The following NFYC variants were observed in gnomAD, a reference collection of about 807,000 sequenced individuals.
The protein encoded by NFYC is CAAT box DNA-binding protein subunit C.
NFYC carries 25 observed loss-of-function variants against 53.1 expected under a neutral mutation model. The ratio of observed to expected loss-of-function variants is 0.47; its 90% confidence interval spans 0.34 to 0.66. The LOEUF (loss-of-function observed/expected upper bound fraction) is 0.66. Ranked by LOEUF, NFYC falls within the 30% of genes least tolerant of loss-of-function variation. The pLI, the probability that NFYC is intolerant of heterozygous loss-of-function variation, is 0.01. For synonymous variants in NFYC, 145 were observed against 152.6 expected (o/e 0.95, Z 0.37); for missense variants, 260 against 422.7 (o/e 0.62, Z 3.38).
chr1:40,728,669 G>T (rs896969157), intron 1 of NFYC, among the ~76,000 whole-genome samples: 1 of 151,928 alleles, frequency 6.6e-6, no homozygotes, highest in South Asian at 2.1e-4. Context: ...ACGGAGTCTC[G>T]CTGTGCTACC....
chr1:40,768,276 T>G (rs1351722573), intron 8 of NFYC, among the ~76,000 whole-genome samples: 1 of 152,266 alleles, frequency 6.6e-6, no homozygotes, highest in Non-Finnish European at 1.5e-5. Flanking sequence ...TCCATTTGTC[T>G]CAGGCTCACT....
chr1:40,715,150 T>C (rs1644085611), intron 1 of NFYC, among the ~76,000 whole-genome samples: 1 of 151,354 alleles, frequency 6.6e-6, no homozygotes, highest in Non-Finnish European at 1.5e-5. Context: ...ATGCCTGTAA[T>C]CCCAGCACTT....
intron 5 of NFYC, 55 bp downstream of exon 5, chr1:40,753,301 G>C: frequency 8.4e-7 from 1 of 1,188,394 alleles, no homozygotes; most frequent in Non-Finnish European, 1.3e-6. Flanking sequence ...TTGTATACTG[G>C]TGTCAGATAC....
intron 1 of NFYC, among the ~76,000 whole-genome samples, chr1:40,700,252 T>C (rs1243149313): frequency 6.6e-6 from 1 of 152,234 alleles, no homozygotes; most frequent in Non-Finnish European, 1.5e-5. Context: ...TTTGAGTACA[T>C]GCTTTTTATC....
intron 1 of NFYC, among the ~76,000 whole-genome samples, chr1:40,736,025 A>G (rs1452855969): frequency 6.6e-6 from 1 of 152,164 alleles, no homozygotes; most frequent in Non-Finnish European, 1.5e-5. Context: ...AGGACTTAAG[A>G]TTTTATCTAG....
chr1:40,692,521 C>T (rs1642883164), intron 1 of NFYC, among the ~76,000 whole-genome samples: 1 of 152,062 alleles, frequency 6.6e-6, no homozygotes, highest in Non-Finnish European at 1.5e-5. Flanking sequence ...TCCAGGGTTG[C>T]TAATGTGACC....
At position 40,718,860 on chromosome 1, in the gene NFYC, T is replaced by G. The variant is rs188992981; in HGVS notation, c.-8-19976T>G. 2.1e-4 allele frequency among the ~76,000 whole-genome samples: 32 copies of G among 152,244 alleles called. No individual in the cohort carries two copies. In the East Asian group the frequency reaches 5.4e-3, roughly 26 times the overall value. On this transcript the variant is annotated intron_variant, in intron 1 of 9. Coordinates refer to ENST00000447388, the MANE Select transcript of NFYC (RefSeq NM_014223.5). ...ATTTTTAGATGAATCATGGTGGTTT[T>G]TTTTGTTTTGTTTTGTTTTGTTTTG...
rs1195192671 is a variant in NFYC, at chr1:40,704,304, T to C, written c.-9+12437T>C. ...GCCAGGATGGTCTCGATCTCCTGAA[T>C]TCGTGATCTGCCCCCCTCAGCCTCC... is the stretch of plus-strand genomic sequence containing the variant. On this transcript the variant is annotated intron_variant, in intron 1 of 9. Coordinates refer to ENST00000447388, the MANE Select transcript of NFYC (RefSeq NM_014223.5). Among the ~76,000 whole-genome samples the C allele has an allele frequency of 1.1e-4, 17 of 152,182 alleles. 1 individual carries two copies. In the South Asian group the frequency reaches 1.9e-3, roughly 17 times the overall value.
intron 1 of NFYC, among the ~76,000 whole-genome samples, chr1:40,728,130 T>C (rs1644604808): frequency 6.6e-6 from 1 of 151,686 alleles, no homozygotes; most frequent in South Asian, 2.1e-4. Flanking sequence ...GCCAGGATGG[T>C]CTCGAACTCC....
intron 1 of NFYC, among the ~76,000 whole-genome samples, chr1:40,724,497 C>CT (rs1327136392): frequency 6.6e-6 from 1 of 152,204 alleles, no homozygotes; most frequent in Non-Finnish European, 1.5e-5. Context: ...GAATACTTCA[C>CT]TAAATACTTG....
intron 1 of NFYC, among the ~76,000 whole-genome samples, chr1:40,704,834 G>C (rs1286457979): frequency 1.3e-5 from 2 of 152,134 alleles, no homozygotes; most frequent in Admixed American, 1.3e-4. Flanking sequence ...TATGGCTCCT[G>C]GTAGTCTTCC....
intron 5 of NFYC, chr1:40,757,214 T>G: frequency 3.0e-6 from 1 of 333,394 alleles, no homozygotes; most frequent in South Asian, 2.7e-5. Context: ...GTCACACAGG[T>G]CACTCCGGAT....
At chr1:40,722,554 C>T (rs1644364919) in intron 1 of NFYC, among the ~76,000 whole-genome samples, 1 of 152,128 alleles carries the variant, frequency 6.6e-6, no homozygotes, top group South Asian at 2.1e-4. Flanking sequence ...CTCTTCAGAC[C>T]AGTAGTTGGT....
chr1:40,740,545 C>T (rs1383509322), intron 2 of NFYC, among the ~76,000 whole-genome samples: 1 of 152,218 alleles, frequency 6.6e-6, no homozygotes, highest in African/African-American at 2.4e-5. Flanking sequence ...CTTAGCCTTT[C>T]TCAGACTGGC....
intron 6 of NFYC, among the ~76,000 whole-genome samples, chr1:40,759,895 A>G (rs536138914): frequency 2.0e-5 from 3 of 152,244 alleles, no homozygotes; most frequent in African/African-American, 4.8e-5. Context: ...ACAGCCTCGT[A>G]TATTCTAATA....
intron 1 of NFYC, among the ~76,000 whole-genome samples, chr1:40,727,880 G>T (rs1644592193): frequency 6.7e-6 from 1 of 149,450 alleles, no homozygotes. Flanking sequence ...CTGTCTAGAA[G>T]GTTTTCAGTT....
At chr1:40,754,300 C>T (rs548275224) in intron 5 of NFYC, 1 of 533,930 alleles carries the variant, frequency 1.9e-6, no homozygotes, top group Admixed American at 1.9e-5. Context: ...TTAGCAAGCC[C>T]TCTGTCACCT....
At position 40,771,005 on chromosome 1, in the gene NFYC, A is replaced by G; in HGVS notation, c.*177A>G. Reference sequence around the variant, plus strand: ...CCGAGATTCTCCAGCAGAAAGATGCAATATTTTTTGTTTCCTTTTTTTCCA... The same window carrying G: ...CCGAGATTCTCCAGCAGAAAGATGCGATATTTTTTGTTTCCTTTTTTTCCA... On this transcript the variant is annotated 3_prime_UTR_variant, in exon 10 of 10. Coordinates refer to ENST00000447388, the MANE Select transcript of NFYC (RefSeq NM_014223.5). 1 of 636,870 alleles carries G rather than the reference A, an allele frequency of 1.6e-6. No individual in the cohort carries two copies. 39.5% of individuals were successfully genotyped at this position (636,870 alleles called of 1,614,324 possible).
chr1:40,696,139 T>A, intron 1 of NFYC, among the ~76,000 whole-genome samples: 1 of 151,426 alleles, frequency 6.6e-6, no homozygotes, highest in Non-Finnish European at 1.5e-5. Context: ...TTCTCTTGCC[T>A]CAGCCTCCTG....
Sources: allele counts gnomAD v4.1 joint callset (sites outside exome capture counted in the v4.1 genomes callset), GRCh38; gene constraint gnomAD v4.1.1; transcripts MANE v1.5; gene names NCBI Gene and HGNC (gene_info 2026-07-23, HGNC 2026-07-21).